The following PIK3C2B variants were observed in gnomAD, a reference collection of about 807,000 sequenced individuals.
PIK3C2B encodes the protein phosphatidylinositol 4-phosphate 3-kinase C2 domain-containing subunit beta.
A neutral mutation model predicts 184.3 loss-of-function variants in PIK3C2B; 83 were observed. The observed-to-expected ratio is 0.45, with a 90% CI of 0.38 to 0.54. The LOEUF (loss-of-function observed/expected upper bound fraction) is 0.54. PIK3C2B is among the 20% of genes least tolerant of loss of function. The pLI is 0.00. For missense variants in PIK3C2B, 1,736 were observed against 2,113.5 expected, an observed-to-expected ratio of 0.82 and a Z score of 3.50; for synonymous variants, 779 against 837.6, an observed-to-expected ratio of 0.93 and a Z score of 1.21.
At chr1:204,457,974 G>A in intron 8 of PIK3C2B, 100 bp from the exon 9 acceptor site, 2 of 1,021,042 alleles carry the variant, frequency 2.0e-6, no homozygotes, top group Admixed American at 2.7e-5. Flanking sequence ...GTTGGGAAGA[G>A]TAGAGAGATT....
intron 22 of PIK3C2B, 106 bp downstream of exon 22, chr1:204,440,086 C>T: frequency 1.7e-6 from 2 of 1,180,782 alleles, no homozygotes; most frequent in Non-Finnish European, 2.4e-6. Context: ...AATAATCTTG[C>T]CCTTTTCACT....
chr1:204,445,018 C>T (rs1653729544), intron 16 of PIK3C2B, among the ~76,000 whole-genome samples: 1 of 152,076 alleles, frequency 6.6e-6, no homozygotes. Flanking sequence ...AAAGGCAGCC[C>T]TAACAGATCT....
rs746275323 is a variant in PIK3C2B at position 204,456,071 on chromosome 1, G to C, written c.1748-20C>G. ...CCTTCTCTGGGAAGGGAAGGGGTCA[G>C]AAGGGAAAGTCATGAGGCCTCCACA... On this transcript the variant is annotated intron_variant, in intron 10 of 32. Coordinates refer to ENST00000684373, the MANE Select transcript of PIK3C2B (RefSeq NM_001377334.1). 6.2e-7 allele frequency: 1 copy of C among 1,604,936 alleles called. No homozygotes were observed. Among genetic ancestry groups the C allele is most frequent in the Admixed American group, 1.7e-5 (1 of 59,666 alleles).
chr1:204,440,773 A>G (rs1675614165), intron 21 of PIK3C2B, among the ~76,000 whole-genome samples: 2 of 148,306 alleles, frequency 1.3e-5, no homozygotes, highest in South Asian at 4.2e-4. Context: ...ATTTATATAT[A>G]TATATATATA....
In PIK3C2B at chr1:204,447,699, G is replaced by T; in HGVS notation, c.2347-121C>A. 5.9e-6 allele frequency: 4 copies of T among 675,490 alleles called. No individual in the cohort carries two copies. Among genetic ancestry groups the T allele is most frequent in the Non-Finnish European group, 1.0e-5 (4 of 390,928 alleles). The allele number at this position is 675,490 out of a possible 1,614,324, so 41.8% of individuals were successfully genotyped here. A position where few individuals can be genotyped will look rare whatever the true frequency, so the allele number is the denominator to read the frequency against. ...TCCCTCACTTTCCCTCAGGTTCTTT[G>T]TAAAATAGCCCTGTTAGACTTGGTG... is the stretch of plus-strand genomic sequence containing the variant. On this transcript the variant is annotated intron_variant, in intron 14 of 32. Coordinates refer to ENST00000684373, the MANE Select transcript of PIK3C2B (RefSeq NM_001377334.1). The surrounding 1 kb of genome is among the most constrained non-coding windows in gnomAD (Gnocchi z 4.1).
At chr1:204,456,600 G>A (rs746212799) in intron 10 of PIK3C2B, among the ~76,000 whole-genome samples, 6 of 152,076 alleles carry the variant, frequency 3.9e-5, no homozygotes, top group South Asian at 2.1e-4. Context: ...TAGAAAAATC[G>A]TAGGGAAAAT....
In PIK3C2B at chr1:204,431,677, G is replaced by A. The variant is rs1336559696; in HGVS notation, c.4272C>T (p.His1424=). ...NKLRLLFPSS[H]LPSFPSRFVI... ...GTAAAGGGGGCAGCTACCTGGGCAA[G>A]TGGGAAGAAGGGAAGAGCAGCCGCA... The change falls in exon 28 of 33, where the codon CAC becomes CAT. Residue 1424 remains histidine (H), a synonymous_variant. Coordinates refer to ENST00000684373, the MANE Select transcript of PIK3C2B (RefSeq NM_001377334.1). 6.2e-7 allele frequency: 1 copy of A among 1,613,990 alleles called. No homozygotes were observed. The highest frequency in any genetic ancestry group is 8.5e-7 in the Non-Finnish European group (1 of 1,180,054).
intron 8 of PIK3C2B, 61 bp downstream of exon 8, chr1:204,459,817 C>T: frequency 7.2e-7 from 1 of 1,380,284 alleles, no homozygotes; most frequent in Non-Finnish European, 1.0e-6. Flanking sequence ...CCCAGGAGGA[C>T]TGAGGAAGGG....
chr1:204,437,232 T>C (rs1054056936), intron 23 of PIK3C2B, among the ~76,000 whole-genome samples: 1 of 151,150 alleles, frequency 6.6e-6, no homozygotes, highest in East Asian at 1.9e-4. Context: ...CTGTGGCTCA[T>C]GCCTGTAATC....
chr1:204,450,932 G>A (rs1186337948), intron 12 of PIK3C2B, among the ~76,000 whole-genome samples: 1 of 152,218 alleles, frequency 6.6e-6, no homozygotes, highest in Non-Finnish European at 1.5e-5. Context: ...CAACTTCTAT[G>A]CCAGAGGGCG....
intron 1 of PIK3C2B, among the ~76,000 whole-genome samples, chr1:204,485,151 C>T (rs576320095): frequency 1.3e-5 from 2 of 151,798 alleles, no homozygotes; most frequent in South Asian, 2.1e-4. Context: ...CAGTCTCAAG[C>T]AATCCTCCCA....
At chr1:204,470,309 A>G (rs1656201612) in intron 1 of PIK3C2B, among the ~76,000 whole-genome samples, 1 of 151,948 alleles carries the variant, frequency 6.6e-6, no homozygotes, top group Non-Finnish European at 1.5e-5. Flanking sequence ...CTGGGATTAC[A>G]GGCGCCCACC....
chr1:204,434,890 C>A lies in PIK3C2B; in HGVS notation c.3517-282G>T, dbSNP rs149770528. Among the ~76,000 whole-genome samples, 31 of 152,304 alleles carry A rather than the reference C, an allele frequency of 2.0e-4. No individual in the cohort carries two copies. In the East Asian group the frequency reaches 5.8e-3, roughly 28 times the overall value. ...TCTCCTTTCTTTCTCCTAGGGAGAT[C>A]GGTTGGAAAGACAGTGGACTGATCC... On this transcript the variant is annotated intron_variant, in intron 23 of 32. Coordinates refer to ENST00000684373, the MANE Select transcript of PIK3C2B (RefSeq NM_001377334.1).
chr1:204,456,251 GAC>G, intron 10 of PIK3C2B, 200 bp from the exon 11 acceptor site: 2 of 464,506 alleles, frequency 4.3e-6, no homozygotes, highest in Non-Finnish European at 7.6e-6. Context: ...TTCATAAAAT[GAC>G]AGTTATACAA....
chr1:204,488,131 AT>A (rs1184362775), intron 1 of PIK3C2B, among the ~76,000 whole-genome samples: 4 of 152,232 alleles, frequency 2.6e-5, no homozygotes, highest in Non-Finnish European at 4.4e-5. Flanking sequence ...TTCCAAGGTC[AT>A]ACAGCTTGTA....
At chr1:204,444,246 C>T in intron 17 of PIK3C2B, 84 bp from the exon 18 acceptor site, 1 of 1,448,920 alleles carries the variant, frequency 6.9e-7, no homozygotes, top group Non-Finnish European at 9.7e-7. Context: ...ACTGGGATCT[C>T]TGGTTTCTAA....
chr1:204,449,099 G>C, intron 14 of PIK3C2B, 86 bp downstream of exon 14: 2 of 933,504 alleles, frequency 2.1e-6, no homozygotes, highest in South Asian at 1.4e-5. Context: ...CTCTCCTGCT[G>C]TCCCAGCCCA....
intron 1 of PIK3C2B, among the ~76,000 whole-genome samples, chr1:204,490,768 G>GAAAAAAAAAAAAAAA (rs915968177): frequency 8.8e-6 from 1 of 113,046 alleles, no homozygotes; most frequent in South Asian, 2.7e-4. Flanking sequence ...AACAGAAAAA[G>GAAAAAAAAAAAAAAA]AAAAAAAAAA....
intron 20 of PIK3C2B, 128 bp from the exon 21 acceptor site, chr1:204,441,691 T>C (rs1675671726): frequency 3.5e-6 from 2 of 573,036 alleles, no homozygotes; most frequent in Non-Finnish European, 3.1e-6. Context: ...CTGCTCATTG[T>C]TTCTTCCGGA....
Sources: allele counts gnomAD v4.1 joint callset (sites outside exome capture counted in the v4.1 genomes callset), GRCh38; gene constraint gnomAD v4.1.1; non-coding constraint Gnocchi (gnomAD v3.1); transcripts MANE v1.5; gene names NCBI Gene and HGNC (gene_info 2026-07-23, HGNC 2026-07-21).